Variants in SLC14A2 observed in about 807,000 individuals in gnomAD.
SLC14A2 encodes the protein urea transporter 2.
Under a neutral mutation model 104.6 loss-of-function variants are expected in SLC14A2, and 91 were observed. That is an observed-to-expected ratio of 0.87 (90% CI 0.73 to 1.04). The LOEUF is 1.04. Among genes scored for constraint, SLC14A2 ranks in the 50% least tolerant of loss-of-function variants. The pLI, the probability that SLC14A2 is intolerant of heterozygous loss-of-function variation, is 0.00. For synonymous variants in SLC14A2, 476 were observed against 466.4 expected, an observed-to-expected ratio of 1.02 and a Z score of -0.27; for missense variants, 1,189 against 1,156.0, an observed-to-expected ratio of 1.03 and a Z score of -0.41.
chr18:45,283,184 C>G (rs1018351419), intron 1 of SLC14A2, among the ~76,000 whole-genome samples: 19 of 151,940 alleles, frequency 1.3e-4, no homozygotes, highest in African/African-American at 4.1e-4. Flanking sequence ...AGGAAAATTT[C>G]CCTCTGACTC....
intron 2 of SLC14A2, among the ~76,000 whole-genome samples, chr18:45,519,997 C>G (rs2043494954): frequency 6.6e-6 from 1 of 152,234 alleles, no homozygotes; most frequent in Non-Finnish European, 1.5e-5. Context: ...GCTACTGCCA[C>G]TTTCACACAC....
At chr18:45,381,270 A>G (rs892435447) in intron 1 of SLC14A2, among the ~76,000 whole-genome samples, 2 of 152,244 alleles carry the variant, frequency 1.3e-5, no homozygotes, top group African/African-American at 2.4e-5. Flanking sequence ...TCTGATAGTG[A>G]TGACTGGCTT....
intron 1 of SLC14A2, among the ~76,000 whole-genome samples, chr18:45,256,867 GA>G (rs1206675841): frequency 2.6e-5 from 4 of 152,228 alleles, no homozygotes; most frequent in Admixed American, 6.5e-5. Flanking sequence ...GAAAGACCTT[GA>G]AAGGTCAACC....
intron 1 of SLC14A2, among the ~76,000 whole-genome samples, chr18:45,308,894 T>C (rs1225257318): frequency 6.6e-6 from 1 of 152,168 alleles, no homozygotes; most frequent in African/African-American, 2.4e-5. Context: ...CTTGTTTATT[T>C]TGGGGTTTCC....
intron 1 of SLC14A2, among the ~76,000 whole-genome samples, chr18:45,285,176 A>G (rs1473037343): frequency 6.6e-6 from 1 of 152,198 alleles, no homozygotes; most frequent in African/African-American, 2.4e-5. Context: ...GGTAGAATAG[A>G]GACAGACTAT....
At chr18:45,660,925 T>A (rs2144614764) in intron 10 of SLC14A2, among the ~76,000 whole-genome samples, 1 of 152,366 alleles carries the variant, frequency 6.6e-6, no homozygotes, top group African/African-American at 2.4e-5. Flanking sequence ...CTTTGTGGCA[T>A]CTGTTCCCCT....
chr18:45,283,800 C>T (rs2084787087), intron 1 of SLC14A2, among the ~76,000 whole-genome samples: 1 of 152,092 alleles, frequency 6.6e-6, no homozygotes, highest in African/African-American at 2.4e-5. Context: ...GAGGGTCTTA[C>T]ACTCTCCCAG....
chr18:45,472,590 G>T (rs148416317), intron 1 of SLC14A2, among the ~76,000 whole-genome samples: 3 of 152,054 alleles, frequency 2.0e-5, no homozygotes, highest in East Asian at 3.9e-4. Context: ...AGATGGTATC[G>T]CATTGTGGTT....
At chr18:45,527,567 C>T (rs2043612170) in intron 2 of SLC14A2, among the ~76,000 whole-genome samples, 1 of 152,174 alleles carries the variant, frequency 6.6e-6, no homozygotes, top group African/African-American at 2.4e-5. Flanking sequence ...AAAATAAATA[C>T]ATTCAAGTCT....
chr18:45,494,339 CAA>C (rs530000158), intron 2 of SLC14A2, among the ~76,000 whole-genome samples: 27 of 152,350 alleles, frequency 1.8e-4, no homozygotes, highest in African/African-American at 6.0e-4. Flanking sequence ...TGACAAGAAA[CAA>C]GAAGTGCCGC....
At chr18:45,564,794 C>T (rs1380859343) in intron 2 of SLC14A2, among the ~76,000 whole-genome samples, 7 of 152,008 alleles carry the variant, frequency 4.6e-5, no homozygotes, top group South Asian at 2.1e-4. Flanking sequence ...CACTTGTGCA[C>T]GCTATGGAGG....
intron 2 of SLC14A2, among the ~76,000 whole-genome samples, chr18:45,553,268 A>G (rs2044080884): frequency 6.6e-6 from 1 of 152,244 alleles, no homozygotes; most frequent in South Asian, 2.1e-4. Flanking sequence ...TTGAAAAAGA[A>G]TTGTACATAC....
chr18:45,667,079 G>C lies in SLC14A2; in HGVS notation c.1702G>C (p.Gly568Arg), dbSNP rs1303599147. ...CATCACAGGAGAGATGAAGGAGTGT[G>C]GAGAGGGACTTAAAGGTAAAATTCT... ...SYITGEMKEC[G>R]EGLKDKSPVF... is the part of the protein sequence containing the mutation. The change falls in exon 13 of 20, where the codon GGA (glycine) becomes CGA (arginine). Residue 568 changes from glycine (G) to arginine (R), a missense_variant. Coordinates refer to ENST00000255226, the MANE Select transcript of SLC14A2 (RefSeq NM_007163.4). 5 of 1,613,650 alleles carry C rather than the reference G, an allele frequency of 3.1e-6. No homozygotes were observed. Among genetic ancestry groups the C allele is most frequent in the South Asian group, 1.1e-5 (1 of 91,032 alleles).
chr18:45,182,596 A>G, the SLC14A2 span, among the ~76,000 whole-genome samples: 3 of 152,066 alleles, frequency 2.0e-5, no homozygotes, highest in Admixed American at 1.3e-4. Context: ...GAAAAGATAC[A>G]TAGACATCAG....
intron 1 of SLC14A2, among the ~76,000 whole-genome samples, chr18:45,224,434 G>A (rs1350904): frequency 0.32 from 48,350 of 152,060 alleles, 8,271 homozygotes; most frequent in African/African-American, 0.46. Flanking sequence ...GCAGGTCAGG[G>A]CAGATGGGTG....
chr18:45,203,071 C>T, the SLC14A2 span, among the ~76,000 whole-genome samples: 1 of 152,076 alleles, frequency 6.6e-6, no homozygotes, highest in Admixed American at 6.6e-5. Context: ...ATAATCAGGT[C>T]CTCACATATC....
chr18:45,512,501 CA>C (rs1568252118), intron 2 of SLC14A2, among the ~76,000 whole-genome samples: 1 of 152,124 alleles, frequency 6.6e-6, no homozygotes, highest in Non-Finnish European at 1.5e-5. Context: ...ATCATTTTGG[CA>C]GGTAACTCCC....
At chr18:45,285,693 G>A (rs1244607394) in intron 1 of SLC14A2, among the ~76,000 whole-genome samples, 1 of 146,954 alleles carries the variant, frequency 6.8e-6, no homozygotes, top group African/African-American at 2.5e-5. Flanking sequence ...CCAAAGTGCT[G>A]GGATTACAGA....
At position 45,580,739 on chromosome 18, in the gene SLC14A2, C is replaced by T. The variant is rs375718649; in HGVS notation, c.-34-43892C>T. On this transcript the variant is annotated intron_variant, in intron 2 of 20. Transcript: ENST00000586448. The stretch of plus-strand genomic sequence containing the variant: ...AGGCACAGGGAGGTCATATAACCTG[C>T]TCAAGGTCACAGAACGGGTAAGGGG... Among the ~76,000 whole-genome samples the T allele has an allele frequency of 3.2e-4, 49 of 152,238 alleles. No homozygotes were observed. The East Asian group carries it at 6.4e-3, about 20-fold the overall frequency.
Sources: allele counts gnomAD v4.1 joint callset (sites outside exome capture counted in the v4.1 genomes callset), GRCh38; gene constraint gnomAD v4.1.1; transcripts MANE v1.5; gene names NCBI Gene and HGNC (gene_info 2026-07-23, HGNC 2026-07-21).